Variants in GRAP2 observed in about 807,000 individuals in gnomAD.
The protein encoded by GRAP2 is GRB2-related adapter protein 2.
GRAP2 carries 31 observed loss-of-function variants against 43.5 expected under a neutral mutation model. That is an observed-to-expected ratio of 0.71 (90% confidence interval 0.54 to 0.96). The LOEUF is 0.96. Ranked by LOEUF, GRAP2 falls within the 40% of genes least tolerant of loss-of-function variation. GRAP2 has a pLI of 0.00. For synonymous variants in GRAP2, 156 were observed against 164.8 expected (o/e 0.95, Z 0.41); for missense variants, 371 against 424.4 (o/e 0.87, Z 1.11).
chr22:39,927,668 T>C (rs1188724681), intron 1 of GRAP2, among the ~76,000 whole-genome samples: 2 of 150,398 alleles, frequency 1.3e-5, no homozygotes, highest in Non-Finnish European at 3.0e-5. Flanking sequence ...AGGCATGACT[T>C]TTTTTTTTCC....
At chr22:39,941,806 C>G (rs1318927558) in intron 1 of GRAP2, among the ~76,000 whole-genome samples, 1 of 151,880 alleles carries the variant, frequency 6.6e-6, no homozygotes, top group African/African-American at 2.4e-5. Flanking sequence ...CAGAAAAGGT[C>G]TGACAATTCC....
At chr22:39,946,637 G>C (rs994047370) in intron 1 of GRAP2, among the ~76,000 whole-genome samples, 1 of 152,196 alleles carries the variant, frequency 6.6e-6, no homozygotes, top group African/African-American at 2.4e-5. Flanking sequence ...ATGTAAAAGA[G>C]GAAATGGCAT....
intron 1 of GRAP2, among the ~76,000 whole-genome samples, chr22:39,935,259 G>A (rs1427314656): frequency 6.6e-6 from 1 of 152,116 alleles, no homozygotes; most frequent in Admixed American, 6.5e-5. Flanking sequence ...TCAGATGAAA[G>A]AGCTTTTGAT....
chr22:39,955,214 C>T (rs1247542901), intron 2 of GRAP2, among the ~76,000 whole-genome samples: 2 of 152,046 alleles, frequency 1.3e-5, no homozygotes, highest in Non-Finnish European at 2.9e-5. Flanking sequence ...AAAAATTAGC[C>T]AGGTGTAGTG....
At position 39,960,098 on chromosome 22, in the gene GRAP2, C is replaced by G. The variant is rs1166694576; in HGVS notation, c.214C>G (p.Leu72Val). 6.2e-7 allele frequency: 1 copy of G among 1,612,802 alleles called. No individual in the cohort carries two copies. Among genetic ancestry groups the G allele is most frequent in the Admixed American group, 1.7e-5 (1 of 60,022 alleles). ...CTCTCGACACCAGGCAGAGAACTTACTCATGGGCAAGGAGGTTGGCTTCTT... is the reference window on the plus strand; with the variant it reads ...CTCTCGACACCAGGCAGAGAACTTAGTCATGGGCAAGGAGGTTGGCTTCTT... ...GLSRHQAENLLMGKEVGFFII... is the reference protein window; with the variant it reads ...GLSRHQAENLVMGKEVGFFII... The change falls in exon 4 of 8, where the codon CTC becomes GTC. Residue 72 changes from leucine to valine, a missense_variant. Coordinates refer to ENST00000344138, the MANE Select transcript of GRAP2 (RefSeq NM_004810.4).
intron 1 of GRAP2, among the ~76,000 whole-genome samples, chr22:39,927,675 T>C (rs1477572594): frequency 6.6e-6 from 1 of 152,188 alleles, no homozygotes; most frequent in Admixed American, 6.5e-5. Context: ...ACTTTTTTTT[T>C]TCCTCTCACC....
chr22:39,959,945 A>G, intron 3 of GRAP2, 110 bp from the exon 4 acceptor site: 1 of 959,102 alleles, frequency 1.0e-6, no homozygotes, highest in Non-Finnish European at 1.7e-6. Flanking sequence ...TCTGCTCCCT[A>G]CTGTACAGAG....
At chr22:39,912,435 C>T (rs2066573781) in intron 1 of GRAP2, among the ~76,000 whole-genome samples, 1 of 152,188 alleles carries the variant, frequency 6.6e-6, no homozygotes, top group African/African-American at 2.4e-5. Flanking sequence ...AAAAAAAGTA[C>T]TCTTGCCTTT....
chr22:39,915,383 C>T (rs538606423), intron 1 of GRAP2, among the ~76,000 whole-genome samples: 2 of 151,922 alleles, frequency 1.3e-5, no homozygotes, highest in African/African-American at 2.4e-5. Context: ...CTGGAGCCAG[C>T]CACCACCCTG....
chr22:39,918,314 C>T (rs1243896438), intron 1 of GRAP2, among the ~76,000 whole-genome samples: 2 of 152,016 alleles, frequency 1.3e-5, no homozygotes, highest in East Asian at 1.9e-4. Context: ...CGAATAATAA[C>T]GAAGTTCTTC....
At chr22:39,927,465 A>G (rs1368377798) in intron 1 of GRAP2, among the ~76,000 whole-genome samples, 2 of 152,242 alleles carry the variant, frequency 1.3e-5, no homozygotes, top group East Asian at 3.8e-4. Flanking sequence ...ATCTGGTGGC[A>G]TTCCTGTTGT....
chr22:39,957,092 A>G (rs1031588301), intron 3 of GRAP2, among the ~76,000 whole-genome samples: 2 of 152,344 alleles, frequency 1.3e-5, no homozygotes, highest in Middle Eastern at 3.4e-3. Context: ...AGAATTGACC[A>G]CAAGGGTTAG....
At chr22:39,919,754 A>T (rs1380482576) in intron 1 of GRAP2, among the ~76,000 whole-genome samples, 1 of 152,246 alleles carries the variant, frequency 6.6e-6, no homozygotes, top group Non-Finnish European at 1.5e-5. Flanking sequence ...TTTACTAAGC[A>T]TCTATCTTGA....
At chr22:39,967,757 G>GA (rs2067189758) in intron 5 of GRAP2, among the ~76,000 whole-genome samples, 1 of 152,130 alleles carries the variant, frequency 6.6e-6, no homozygotes, top group Admixed American at 6.5e-5. Context: ...ATTACACAGA[G>GA]AAAAAACGAG....
intron 1 of GRAP2, among the ~76,000 whole-genome samples, chr22:39,914,337 C>T (rs985025103): frequency 2.0e-5 from 3 of 152,138 alleles, no homozygotes; most frequent in Admixed American, 6.5e-5. Context: ...TTTGGTTGTT[C>T]AGCAAACGCT....
chr22:39,961,608 A>G (rs1048508359), intron 4 of GRAP2, among the ~76,000 whole-genome samples: 1 of 152,210 alleles, frequency 6.6e-6, no homozygotes, highest in Non-Finnish European at 1.5e-5. Context: ...GACATTACAC[A>G]GCCCCAAACT....
At chr22:39,940,259 A>G (rs373137245) in intron 1 of GRAP2, among the ~76,000 whole-genome samples, 22 of 152,176 alleles carry the variant, frequency 1.4e-4, no homozygotes, top group African/African-American at 5.3e-4. Flanking sequence ...ATTAACAGGT[A>G]TTCTCTAAGC....
chr22:39,935,910 T>C (rs1312695429), intron 1 of GRAP2, among the ~76,000 whole-genome samples: 1 of 152,148 alleles, frequency 6.6e-6, no homozygotes, highest in Non-Finnish European at 1.5e-5. Context: ...TTGTGAACCA[T>C]GTCACAGCCC....
chr22:39,971,855 A>G lies in GRAP2; in HGVS notation c.*771A>G, dbSNP rs2067247571. On this transcript the variant is annotated 3_prime_UTR_variant, in exon 8 of 8. Coordinates refer to ENST00000344138, the MANE Select transcript of GRAP2 (RefSeq NM_004810.4). ...GGAACCTCTGTTTCCCCAGCTATGA[A>G]GGAAATAGCATCCTACATTCCGTAA... is the stretch of plus-strand genomic sequence containing the variant. 1 of 152,246 alleles carries G rather than the reference A, an allele frequency of 6.6e-6. No homozygotes were observed. 9.4% of individuals were successfully genotyped at this position (152,246 alleles called of 1,614,324 possible). A position where few individuals can be genotyped will look rare whatever the true frequency, so the allele number is the denominator to read the frequency against.
Sources: gnomAD v4.1 joint callset for allele counts (sites outside exome capture counted in the v4.1 genomes callset) on GRCh38, gnomAD v4.1.1 for gene constraint, MANE v1.5 for transcripts, NCBI Gene and HGNC (gene_info 2026-07-23, HGNC 2026-07-21) for gene names.